APBA1: variants seen among roughly 807,000 people sequenced by gnomAD.
The protein encoded by APBA1 is amyloid-beta A4 precursor protein-binding family A member 1.
In APBA1, 55 loss-of-function variants were observed where a neutral mutation model predicts 86.6. The observed-to-expected ratio is 0.64, with a 90% confidence interval of 0.51 to 0.80. The LOEUF (loss-of-function observed/expected upper bound fraction) is 0.80. APBA1 is among the 30% of genes least tolerant of loss of function. The pLI, the probability that APBA1 is intolerant of heterozygous loss-of-function variation, is 0.00. For missense variants in APBA1, 1,090 were observed against 1,183.0 expected (o/e 0.92, Z 1.15); for synonymous variants, 511 against 493.9 (o/e 1.03, Z -0.46).
At chr9:69,542,718 C>A (rs1036068828) in intron 1 of APBA1, among the ~76,000 whole-genome samples, 1 of 152,122 alleles carries the variant, frequency 6.6e-6, no homozygotes, top group Non-Finnish European at 1.5e-5. Context: ...GTTTTCCAAG[C>A]AAAATTATAG....
intron 1 of APBA1, among the ~76,000 whole-genome samples, chr9:69,549,853 C>T (rs184451455): frequency 6.6e-6 from 1 of 152,272 alleles, no homozygotes; most frequent in Admixed American, 6.5e-5. Context: ...ATTTTTCTAA[C>T]TTATTTCCCA....
chr9:69,636,979 G>GAAAGAAAGAAAGAAAGAA, intron 1 of APBA1, among the ~76,000 whole-genome samples: 1 of 148,238 alleles, frequency 6.7e-6, no homozygotes, highest in East Asian at 2.0e-4. Context: ...AAGAAAGAAA[G>GAAAGAAAGAAAGAAAGAA]AAAGAAAAAT....
chr9:69,631,349 C>T (rs1823039938), intron 1 of APBA1, among the ~76,000 whole-genome samples: 1 of 152,198 alleles, frequency 6.6e-6, no homozygotes, highest in South Asian at 2.1e-4. Flanking sequence ...ATCAAAACCA[C>T]AATGAGATAC....
chr9:69,592,421 C>T (rs544367037), intron 1 of APBA1, among the ~76,000 whole-genome samples: 2 of 152,216 alleles, frequency 1.3e-5, no homozygotes, highest in South Asian at 4.2e-4. Flanking sequence ...CATAGTGAGG[C>T]GCTGTCGCTA....
At chr9:69,514,732 A>C (rs940267162) in intron 2 of APBA1, among the ~76,000 whole-genome samples, 1 of 151,980 alleles carries the variant, frequency 6.6e-6, no homozygotes, top group Non-Finnish European at 1.5e-5. Flanking sequence ...AACGTTATGA[A>C]ACCCCGTCTC....
At chr9:69,540,896 C>T (rs756610702) in intron 1 of APBA1, among the ~76,000 whole-genome samples, 14 of 152,208 alleles carry the variant, frequency 9.2e-5, no homozygotes, top group Admixed American at 2.0e-4. Flanking sequence ...TGAGCCACCA[C>T]GCTCAGCCTT....
chr9:69,552,907 C>CTTT (rs34026305), intron 1 of APBA1, among the ~76,000 whole-genome samples: 28 of 135,528 alleles, frequency 2.1e-4, no homozygotes, highest in Non-Finnish European at 2.2e-4. Context: ...CTTTCTTGGG[C>CTTT]TTTTTTTTTT....
At chr9:69,595,930 A>G (rs1382583961) in intron 1 of APBA1, among the ~76,000 whole-genome samples, 2 of 152,126 alleles carry the variant, frequency 1.3e-5, no homozygotes, top group Admixed American at 6.6e-5. Context: ...GAGACTCTAG[A>G]CACCCCCACA....
intron 10 of APBA1, among the ~76,000 whole-genome samples, chr9:69,446,250 A>G (rs1834905445): frequency 6.6e-6 from 1 of 151,882 alleles, no homozygotes; most frequent in Non-Finnish European, 1.5e-5. Flanking sequence ...CAGTGGTTAC[A>G]CCTCCCACCA....
chr9:69,583,198 T>C (rs7030393), intron 1 of APBA1, among the ~76,000 whole-genome samples: 93,060 of 152,012 alleles, frequency 0.61, 29,232 homozygotes, highest in East Asian at 0.83. Context: ...GGAAATGCTA[T>C]ATAGACTGCA....
chr9:69,567,325 A>T (rs1837042720), intron 1 of APBA1, among the ~76,000 whole-genome samples: 1 of 152,106 alleles, frequency 6.6e-6, no homozygotes, highest in Non-Finnish European at 1.5e-5. Flanking sequence ...TCAAATGCTA[A>T]GGAAATTCCT....
At chr9:69,468,076 G>A in intron 4 of APBA1, 108 bp from the exon 5 acceptor site, 1 of 1,374,526 alleles carries the variant, frequency 7.3e-7, no homozygotes, top group Non-Finnish European at 1.0e-6. Context: ...CACAGGTGAG[G>A]CAGAGCCAAC....
At chr9:69,612,812 T>C (rs1470809220) in intron 1 of APBA1, among the ~76,000 whole-genome samples, 1 of 151,948 alleles carries the variant, frequency 6.6e-6, no homozygotes, top group Non-Finnish European at 1.5e-5. Context: ...TACTTCAAAA[T>C]ATGGATTTAG....
At chr9:69,466,702 GAAT>G (rs1432279413) in intron 5 of APBA1, among the ~76,000 whole-genome samples, 1 of 152,172 alleles carries the variant, frequency 6.6e-6, no homozygotes, top group African/African-American at 2.4e-5. Flanking sequence ...AGTGCTCAAG[GAAT>G]AATTTTTTCT....
At chr9:69,570,864 T>C (rs1837104796) in intron 1 of APBA1, among the ~76,000 whole-genome samples, 1 of 152,258 alleles carries the variant, frequency 6.6e-6, no homozygotes, top group Non-Finnish European at 1.5e-5. Flanking sequence ...AACTTCCATT[T>C]TCCCTCTTGG....
chr9:69,603,672 CTTCT>C (rs1348382204), intron 1 of APBA1, among the ~76,000 whole-genome samples: 1 of 152,236 alleles, frequency 6.6e-6, no homozygotes, highest in Non-Finnish European at 1.5e-5. Context: ...TGTGAAACAG[CTTCT>C]TTGTTTGGCT....
rs551470105 is a variant in APBA1, at chr9:69,429,367, T to C, written c.*1960A>G. The C allele has an allele frequency of 2.6e-4, 40 of 152,370 alleles. No homozygotes were observed. The highest frequency in any genetic ancestry group is 9.6e-4 in the African/African-American group (40 of 41,576). 9.4% of individuals were successfully genotyped at this position (152,370 alleles called of 1,614,324 possible). A position where few individuals can be genotyped will look rare whatever the true frequency, so the allele number is the denominator to read the frequency against. On this transcript the variant is annotated 3_prime_UTR_variant, in exon 13 of 13. Transcript: ENST00000265381. The stretch of plus-strand genomic sequence containing the variant: ...TGATGGGTTGACCTTGAGGCTGGTC[T>C]CCCAGAAACATTCTGTAAAGCATCC...
intron 1 of APBA1, among the ~76,000 whole-genome samples, chr9:69,609,682 T>C (rs1242009476): frequency 6.6e-6 from 1 of 152,196 alleles, no homozygotes; most frequent in East Asian, 1.9e-4. Context: ...GCCCCTAGAA[T>C]TGAGTGCAGT....
intron 1 of APBA1, among the ~76,000 whole-genome samples, chr9:69,635,751 G>A (rs761436349): frequency 2.6e-5 from 4 of 152,074 alleles, no homozygotes; most frequent in African/African-American, 4.8e-5. Context: ...GGAAACAAAG[G>A]TCACTATATA....
Sources: allele counts gnomAD v4.1 joint callset (sites outside exome capture counted in the v4.1 genomes callset), GRCh38; gene constraint gnomAD v4.1.1; transcripts MANE v1.5; gene names NCBI Gene and HGNC (gene_info 2026-07-23, HGNC 2026-07-21).